Variants in GRIA4 observed in about 807,000 individuals in gnomAD.
The protein encoded by GRIA4 is glutamate receptor 4.
A neutral mutation model predicts 104.0 loss-of-function variants in GRIA4; 34 were observed. The ratio of observed to expected loss-of-function variants is 0.33; its 90% CI spans 0.25 to 0.44. GRIA4 has a LOEUF of 0.44. Ranked by LOEUF, GRIA4 falls within the 20% of genes least tolerant of loss-of-function variation. The probability of loss-of-function intolerance (pLI) is 1.00; values close to 1 mark genes in which losing one functional copy is unlikely to be tolerated. For synonymous variants in GRIA4, 386 were observed against 381.9 expected (o/e 1.01, Z -0.13); for missense variants, 750 against 1,096.5 (o/e 0.68, Z 4.46).
chr11:105,777,650 C>T lies in GRIA4; in HGVS notation c.487+24430C>T, dbSNP rs192793229. On this transcript the variant is annotated intron_variant, in intron 4 of 16. Transcript: ENST00000282499. ...TAAAAAATTTTGTGGATCTAGATAC[C>T]ATCAAGATGAAGCCTAGGTTCATGG... is the stretch of plus-strand genomic sequence containing the variant. 1.9e-3 allele frequency among the ~76,000 whole-genome samples: 284 copies of T among 152,100 alleles called. 2 individuals carry two copies. Among genetic ancestry groups the T allele is most frequent in the African/African-American group, 6.5e-3 (269 of 41,486 alleles).
At chr11:105,922,933 C>A (rs1459168508) in intron 11 of GRIA4, among the ~76,000 whole-genome samples, 1 of 152,072 alleles carries the variant, frequency 6.6e-6, no homozygotes, top group East Asian at 1.9e-4. Flanking sequence ...AATAACCTTC[C>A]AGCAATGGTC....
intron 8 of GRIA4, among the ~76,000 whole-genome samples, chr11:105,904,883 A>G (rs1946986847): frequency 2.0e-5 from 3 of 152,204 alleles, no homozygotes; most frequent in Non-Finnish European, 4.4e-5. Context: ...AAAAGTAACC[A>G]TAAAAAATTG....
intron 3 of GRIA4, among the ~76,000 whole-genome samples, chr11:105,660,052 G>A (rs1212389985): frequency 6.6e-6 from 1 of 151,588 alleles, no homozygotes; most frequent in Non-Finnish European, 1.5e-5. Context: ...AAGAAAAACC[G>A]TTAAACAAAA....
chr11:105,908,904 A>AT (rs1169784921), intron 9 of GRIA4, among the ~76,000 whole-genome samples: 1 of 152,114 alleles, frequency 6.6e-6, no homozygotes, highest in East Asian at 1.9e-4. Flanking sequence ...TTCATGTCAT[A>AT]TAACTGTCAT....
In GRIA4 at chr11:105,974,645, G is replaced by C. The variant is rs755355895; in HGVS notation, c.2544+201G>C. On this transcript the variant is annotated intron_variant, in intron 16 of 16. Transcript: ENST00000282499. The stretch of plus-strand genomic sequence containing the variant: ...TGTCTGTCCAGTGGTGGTATTGCTT[G>C]CTTCTAATTAGAGCTTTATATTTTT... 11 of 1,283,280 alleles carry C rather than the reference G, an allele frequency of 8.6e-6. No individual in the cohort carries two copies. The South Asian group carries it at 1.3e-4, about 15-fold the overall frequency. 79.5% of individuals were successfully genotyped at this position (1,283,280 alleles called of 1,614,324 possible). A position where few individuals can be genotyped will look rare whatever the true frequency, so the allele number is the denominator to read the frequency against.
At chr11:105,827,477 T>C (rs969750349) in intron 4 of GRIA4, among the ~76,000 whole-genome samples, 15 of 152,054 alleles carry the variant, frequency 9.9e-5, no homozygotes, top group Non-Finnish European at 2.1e-4. Flanking sequence ...AATAAACTTA[T>C]CTTAAAATAA....
intron 4 of GRIA4, among the ~76,000 whole-genome samples, chr11:105,844,560 C>A (rs141190354): frequency 9.2e-5 from 14 of 152,294 alleles, no homozygotes; most frequent in Non-Finnish European, 1.8e-4. Flanking sequence ...TCAGTAACAG[C>A]TTTTAATAAG....
At chr11:105,778,742 T>C (rs1232649565) in intron 4 of GRIA4, among the ~76,000 whole-genome samples, 2 of 152,052 alleles carry the variant, frequency 1.3e-5, no homozygotes, top group Non-Finnish European at 2.9e-5. Flanking sequence ...TAGGAAGGCA[T>C]TATTAAAGAT....
At chr11:105,898,511 AT>A (rs1946742031) in intron 7 of GRIA4, 84 bp downstream of exon 7, 1 of 855,230 alleles carries the variant, frequency 1.2e-6, no homozygotes, top group Non-Finnish European at 1.9e-6. Context: ...TTCCATTAAC[AT>A]TTTGCCAAAC....
At chr11:105,803,992 G>A (rs984802988) in intron 4 of GRIA4, among the ~76,000 whole-genome samples, 2 of 151,728 alleles carry the variant, frequency 1.3e-5, no homozygotes, top group Non-Finnish European at 1.5e-5. Context: ...AAGAGGAGAA[G>A]AATGAGGAAT....
chr11:105,828,644 T>C (rs1030833736), intron 4 of GRIA4, among the ~76,000 whole-genome samples: 27 of 149,356 alleles, frequency 1.8e-4, no homozygotes, highest in African/African-American at 5.7e-4. Context: ...ACTGGTGAAA[T>C]AAATCTCAAT....
chr11:105,750,765 T>A (rs1329822960), intron 3 of GRIA4, among the ~76,000 whole-genome samples: 1 of 151,986 alleles, frequency 6.6e-6, no homozygotes, highest in Non-Finnish European at 1.5e-5. Context: ...TTTTATAGAG[T>A]CAGTTGTTCA....
chr11:105,689,757 T>C (rs1419809943), intron 3 of GRIA4, among the ~76,000 whole-genome samples: 1 of 152,204 alleles, frequency 6.6e-6, no homozygotes, highest in Non-Finnish European at 1.5e-5. Context: ...TCTCTCTCCT[T>C]TTCCTTAGTA....
chr11:105,776,978 C>T (rs1941478316), intron 4 of GRIA4, among the ~76,000 whole-genome samples: 1 of 152,168 alleles, frequency 6.6e-6, no homozygotes, highest in African/African-American at 2.4e-5. Context: ...GCCCTGCATG[C>T]ACGTGGTACC....
intron 4 of GRIA4, among the ~76,000 whole-genome samples, chr11:105,796,082 A>T (rs1942468126): frequency 6.6e-6 from 1 of 152,136 alleles, no homozygotes; most frequent in Non-Finnish European, 1.5e-5. Flanking sequence ...ATCATTTTAA[A>T]ATATATTTAT....
intron 3 of GRIA4, among the ~76,000 whole-genome samples, chr11:105,617,723 T>C (rs1377854366): frequency 6.6e-6 from 1 of 152,054 alleles, no homozygotes; most frequent in African/African-American, 2.4e-5. Flanking sequence ...CATTTACTCA[T>C]CAAACATGTT....
intron 14 of GRIA4, among the ~76,000 whole-genome samples, chr11:105,934,990 C>T (rs1364931548): frequency 6.6e-6 from 1 of 152,068 alleles, no homozygotes; most frequent in Non-Finnish European, 1.5e-5. Flanking sequence ...TCTGGTAAGC[C>T]ATTGAAAAGT....
chr11:105,899,676 CA>C (rs1946787892), intron 7 of GRIA4, among the ~76,000 whole-genome samples: 1 of 152,064 alleles, frequency 6.6e-6, no homozygotes, highest in Non-Finnish European at 1.5e-5. Flanking sequence ...ACTATTGCTC[CA>C]GGGGAAATAT....
intron 4 of GRIA4, among the ~76,000 whole-genome samples, chr11:105,795,503 T>C (rs1048673388): frequency 6.6e-6 from 1 of 152,018 alleles, no homozygotes; most frequent in Non-Finnish European, 1.5e-5. Context: ...ATGTGGACGT[T>C]TGGGTGCAGG....
Sources: gnomAD v4.1 joint callset for allele counts (sites outside exome capture counted in the v4.1 genomes callset) on GRCh38, gnomAD v4.1.1 for gene constraint, MANE v1.5 for transcripts, NCBI Gene and HGNC (gene_info 2026-07-23, HGNC 2026-07-21) for gene names.